The following RUFY2 variants were observed in gnomAD, a reference collection of about 807,000 sequenced individuals.
The protein encoded by RUFY2 is RUN and FYVE domain containing 2.
A neutral mutation model predicts 94.4 loss-of-function variants in RUFY2; 49 were observed. The ratio of observed to expected loss-of-function variants is 0.52; its 90% confidence interval spans 0.41 to 0.66. The LOEUF is 0.66. Among genes scored for constraint, RUFY2 ranks in the 30% least tolerant of loss-of-function variants. The pLI is 0.00. For missense variants in RUFY2, 541 were observed against 692.8 expected, an observed-to-expected ratio of 0.78 and a Z score of 2.46; for synonymous variants, 255 against 235.7, an observed-to-expected ratio of 1.08 and a Z score of -0.75.
intron 15 of RUFY2, among the ~76,000 whole-genome samples, chr10:68,361,694 T>C (rs2047473009): frequency 6.6e-6 from 1 of 152,260 alleles, no homozygotes; most frequent in Non-Finnish European, 1.5e-5. Context: ...CTCCTTCTTA[T>C]GCCCTTGGAA....
At chr10:68,346,263 G>A (rs771959465) in intron 16 of RUFY2, 179 bp from the exon 17 acceptor site, 1 of 562,630 alleles carries the variant, frequency 1.8e-6, no homozygotes. Context: ...AAATATTCTG[G>A]GTTGGGGAGG....
chr10:68,360,671 C>G (rs1417214234), intron 15 of RUFY2, among the ~76,000 whole-genome samples: 1 of 151,950 alleles, frequency 6.6e-6, no homozygotes, highest in Non-Finnish European at 1.5e-5. Context: ...GGACGTGAAC[C>G]CGGCAGGCAG....
Position 68,407,190 on chromosome 10 carries a change from G to A in RUFY2, c.-1C>T, listed in dbSNP as rs1157139090. On this transcript the variant is annotated 5_prime_UTR_variant, in exon 1 of 18. Transcript: ENST00000602465. ...GTTTCGGCCCGCTCGCCTTACCCAT[G>A]GCGGCGGCGGCTGCGCGGTCTCGGG... 9 of 1,398,938 alleles carry A rather than the reference G, an allele frequency of 6.4e-6. No homozygotes were observed. The African/African-American group carries it at 1.4e-4, about 21-fold the overall frequency. 86.7% of individuals were successfully genotyped at this position (1,398,938 alleles called of 1,614,324 possible).
chr10:68,400,259 T>A (rs781639064), intron 3 of RUFY2, among the ~76,000 whole-genome samples: 1 of 151,776 alleles, frequency 6.6e-6, no homozygotes, highest in Admixed American at 6.6e-5. Flanking sequence ...GAGGTTGCAG[T>A]GAGCCGAGAT....
At chr10:68,385,972 G>GTGTGTA in intron 8 of RUFY2, 87 bp downstream of exon 8, 1 of 750,386 alleles carries the variant, frequency 1.3e-6, no homozygotes, top group Non-Finnish European at 2.3e-6. Context: ...GTTCGTGTGT[G>GTGTGTA]TGTGTATGTT....
At chr10:68,341,848 T>C (rs1299718490), downstream of RUFY2, 1 of 1,608,648 alleles carries the variant, frequency 6.2e-7, no homozygotes, top group East Asian at 2.2e-5. Context: ...TTTGGGTGGT[T>C]ATGGTAAGTA....
intron 7 of RUFY2, among the ~76,000 whole-genome samples, chr10:68,392,029 CTT>C (rs139099039): frequency 1.4e-5 from 2 of 144,776 alleles, no homozygotes; most frequent in Non-Finnish European, 1.5e-5. Context: ...TCTTTCTTTT[CTT>C]TTTTTTTTTT....
chr10:68,377,182 T>C (rs1195569720), intron 12 of RUFY2: 1 of 1,417,004 alleles, frequency 7.1e-7, no homozygotes, highest in Non-Finnish European at 9.2e-7. Flanking sequence ...TAACATGTAG[T>C]ATGCCCAGAA....
At chr10:68,400,493 G>C (rs977485439) in intron 3 of RUFY2, among the ~76,000 whole-genome samples, 1 of 150,480 alleles carries the variant, frequency 6.6e-6, no homozygotes, top group Non-Finnish European at 1.5e-5. Flanking sequence ...TGGCTAACAT[G>C]GTGAAACCCC....
rs949829713 is a variant in RUFY2 at position 68,370,448 on chromosome 10, CT to C, written c.1326-6336del. On this transcript the variant is annotated intron_variant, in intron 13 of 17. Coordinates refer to ENST00000602465, the MANE Select transcript of RUFY2 (RefSeq NM_001330103.2). ...AGCAGTAACAAGGCATTTCTTTTTTCTTTTTTTTTTTTTTTTTTTGAGACAG... is the reference window on the plus strand; with the variant it reads ...AGCAGTAACAAGGCATTTCTTTTTTCTTTTTTTTTTTTTTTTTTGAGACAG... 3.5e-3 allele frequency among the ~76,000 whole-genome samples: 447 copies of C among 126,146 alleles called. 2 individuals carry two copies. The highest frequency in any genetic ancestry group is 9.6e-3 in the African/African-American group (338 of 35,038). The allele number at this position is 126,146 out of a possible 152,430, so 82.8% of individuals were successfully genotyped here. A position where few individuals can be genotyped will look rare whatever the true frequency, so the allele number is the denominator to read the frequency against.
chr10:68,352,513 T>G (rs2132329634), intron 16 of RUFY2, among the ~76,000 whole-genome samples: 1 of 152,188 alleles, frequency 6.6e-6, no homozygotes, highest in African/African-American at 2.4e-5. Flanking sequence ...AAAGAAAAAA[T>G]AATGACGTAA....
At chr10:68,346,253 A>G (rs2046265435) in intron 16 of RUFY2, 169 bp from the exon 17 acceptor site, 1 of 589,100 alleles carries the variant, frequency 1.7e-6, no homozygotes, top group Non-Finnish European at 2.9e-6. Flanking sequence ...ATTAGCCTCA[A>G]AATATTCTGG....
intron 3 of RUFY2, 71 bp downstream of exon 3, chr10:68,401,549 T>A: frequency 1.1e-6 from 1 of 877,906 alleles, no homozygotes; most frequent in Non-Finnish European, 1.9e-6. Flanking sequence ...TAAGCTAGAG[T>A]GTGAGGTACT....
chr10:68,361,020 T>A (rs940825127), intron 15 of RUFY2, among the ~76,000 whole-genome samples: 5 of 152,020 alleles, frequency 3.3e-5, no homozygotes, highest in African/African-American at 1.2e-4. Context: ...TGGTGGCTCA[T>A]GACTGTAATC....
intron 13 of RUFY2, among the ~76,000 whole-genome samples, chr10:68,365,237 C>CA (rs1394229683): frequency 2.0e-5 from 3 of 152,084 alleles, no homozygotes; most frequent in Non-Finnish European, 2.9e-5. Flanking sequence ...TATTTTACTA[C>CA]AAAGTTAAAA....
Position 68,394,128 on chromosome 10 carries a change from C to G in RUFY2, c.531G>C (p.Val177=). Residue 177 remains valine, a synonymous_variant, in exon 6 of 18, where the codon GTG becomes GTC. Transcript: ENST00000602465. ...TCTTTAAATACATAGAAAAATCAATCACTCCAACCTGAAGTAAATAAAGTT... is the reference window on the plus strand; with the variant it reads ...TCTTTAAATACATAGAAAAATCAATGACTCCAACCTGAAGTAAATAAAGTT... ...KGEDLDSQVG[V]IDFSMYLKNE... The G allele has an allele frequency of 6.7e-7, 1 of 1,497,864 alleles. No individual in the cohort carries two copies. 92.8% of individuals were successfully genotyped at this position (1,497,864 alleles called of 1,614,324 possible).
At chr10:68,371,190 G>A (rs376739637) in intron 13 of RUFY2, among the ~76,000 whole-genome samples, 13 of 150,094 alleles carry the variant, frequency 8.7e-5, no homozygotes, top group East Asian at 3.9e-4. Context: ...CCATCACTTC[G>A]GGAGGCCGTG....
intron 13 of RUFY2, among the ~76,000 whole-genome samples, chr10:68,369,508 A>ACAAAAAAAAAC (rs2048106562): frequency 7.1e-6 from 1 of 141,440 alleles, no homozygotes; most frequent in East Asian, 2.1e-4. Flanking sequence ...AAAAAAAAAA[A>ACAAAAAAAAAC]CAAAAAAAAA....
intron 7 of RUFY2, among the ~76,000 whole-genome samples, chr10:68,388,705 G>A (rs1463881080): frequency 5.9e-5 from 9 of 151,452 alleles, no homozygotes; most frequent in South Asian, 2.1e-4. Flanking sequence ...GTGTCGTGGC[G>A]CAAGCCTGTG....
Sources: gnomAD v4.1 joint callset for allele counts (sites outside exome capture counted in the v4.1 genomes callset) on GRCh38, gnomAD v4.1.1 for gene constraint, MANE v1.5 for transcripts, NCBI Gene and HGNC (gene_info 2026-07-23, HGNC 2026-07-21) for gene names.